Variants in AGBL4 observed in about 807,000 individuals in gnomAD.
AGBL4 encodes the protein AGBL carboxypeptidase 4, also known as cytosolic carboxypeptidase 6.
A neutral mutation model predicts 66.4 loss-of-function variants in AGBL4; 58 were observed. The observed-to-expected ratio is 0.87, with a 90% CI of 0.71 to 1.09. The LOEUF (loss-of-function observed/expected upper bound fraction) is 1.09. Ranked by LOEUF, AGBL4 falls within the 50% of genes least tolerant of loss-of-function variation. AGBL4 has a pLI of 0.00. For missense variants in AGBL4, 579 were observed against 631.0 expected (o/e 0.92, Z 0.88); for synonymous variants, 234 against 222.9 (o/e 1.05, Z -0.44).
chr1:49,555,645 C>A (rs1305911496), intron 3 of AGBL4, among the ~76,000 whole-genome samples: 76 of 150,520 alleles, frequency 5.0e-4, no homozygotes, highest in Non-Finnish European at 9.0e-4. Context: ...TGACAAAGGG[C>A]TAATCTCCAG....
At chr1:49,819,642 G>A (rs564242768) in intron 2 of AGBL4, among the ~76,000 whole-genome samples, 1 of 152,202 alleles carries the variant, frequency 6.6e-6, no homozygotes, top group South Asian at 2.1e-4. Context: ...AATCTGTGCT[G>A]GTAAATGATA....
At chr1:49,634,333 G>A (rs535902228) in intron 3 of AGBL4, among the ~76,000 whole-genome samples, 22 of 152,220 alleles carry the variant, frequency 1.4e-4, no homozygotes, top group African/African-American at 4.3e-4. Context: ...CTGTTACTGT[G>A]TTAGTTTGCT....
At chr1:49,375,309 A>T (rs1422237338) in intron 3 of AGBL4, among the ~76,000 whole-genome samples, 1 of 152,122 alleles carries the variant, frequency 6.6e-6, no homozygotes, top group Non-Finnish European at 1.5e-5. Flanking sequence ...ATCCAGTTAT[A>T]GAAAGTGCCA....
the AGBL4 span, among the ~76,000 whole-genome samples, chr1:48,526,399 C>A: frequency 4.9e-4 from 75 of 152,256 alleles, no homozygotes; most frequent in African/African-American, 1.7e-3. Flanking sequence ...GAGAATAATG[C>A]CTACTTCATA....
chr1:49,171,057 T>C (rs1412945500), intron 4 of AGBL4, among the ~76,000 whole-genome samples: 2 of 152,162 alleles, frequency 1.3e-5, no homozygotes, highest in African/African-American at 4.8e-5. Context: ...ACTGAAAGCC[T>C]GGGAAATAGA....
intron 4 of AGBL4, among the ~76,000 whole-genome samples, chr1:49,127,196 T>C (rs1246917934): frequency 6.6e-6 from 1 of 152,160 alleles, no homozygotes; most frequent in East Asian, 1.9e-4. Flanking sequence ...CCTGGGGGCA[T>C]ATTTTGGATT....
chr1:49,367,943 T>C (rs891976880), intron 3 of AGBL4, among the ~76,000 whole-genome samples: 4 of 152,156 alleles, frequency 2.6e-5, no homozygotes, highest in African/African-American at 9.7e-5. Flanking sequence ...CTCCACCCAT[T>C]GGCAACCACT....
intron 5 of AGBL4, among the ~76,000 whole-genome samples, chr1:48,870,442 G>A (rs1001193086): frequency 2.0e-5 from 3 of 152,144 alleles, no homozygotes; most frequent in African/African-American, 7.2e-5. Flanking sequence ...AATGTTTGAT[G>A]TCATCTAGCT....
chr1:49,897,516 A>C (rs889105906), intron 1 of AGBL4, among the ~76,000 whole-genome samples: 1 of 152,076 alleles, frequency 6.6e-6, no homozygotes, highest in African/African-American at 2.4e-5. Context: ...ATATTATTAA[A>C]ATGTCCATAC....
At chr1:48,608,030 A>G (rs2148375095) in intron 9 of AGBL4, among the ~76,000 whole-genome samples, 1 of 152,336 alleles carries the variant, frequency 6.6e-6, no homozygotes, top group South Asian at 2.1e-4. Context: ...ACGATAAAAT[A>G]CTGCTTCTGA....
intron 3 of AGBL4, among the ~76,000 whole-genome samples, chr1:49,595,955 T>C (rs1644844952): frequency 6.6e-6 from 1 of 151,980 alleles, no homozygotes; most frequent in Admixed American, 6.6e-5. Flanking sequence ...TAATGCAGGC[T>C]CTCCCAAGAT....
chr1:49,954,021 G>A (rs1656381029), intron 1 of AGBL4, among the ~76,000 whole-genome samples: 2 of 151,854 alleles, frequency 1.3e-5, no homozygotes, highest in Admixed American at 1.3e-4. Flanking sequence ...AGGCTCCTAA[G>A]TAGGTAGGAC....
chr1:49,359,424 T>C (rs1644091179), intron 3 of AGBL4, among the ~76,000 whole-genome samples: 1 of 152,174 alleles, frequency 6.6e-6, no homozygotes, highest in Non-Finnish European at 1.5e-5. Flanking sequence ...TCACACAATC[T>C]CTGACATATA....
At chr1:49,460,612 G>A (rs1646490902) in intron 3 of AGBL4, among the ~76,000 whole-genome samples, 1 of 151,672 alleles carries the variant, frequency 6.6e-6, no homozygotes, top group South Asian at 2.1e-4. Context: ...ATTGAGATGT[G>A]AGGTGCTATT....
intron 1 of AGBL4, among the ~76,000 whole-genome samples, chr1:49,922,118 G>A (rs963794156): frequency 5.3e-5 from 8 of 152,122 alleles, no homozygotes; most frequent in African/African-American, 1.9e-4. Context: ...TTTGTCTTTT[G>A]TGGTTTTGTT....
At position 49,119,164 on chromosome 1, in the gene AGBL4, A is replaced by AT. The variant is rs535252642; in HGVS notation, c.378-73365dup. 1.6e-3 allele frequency among the ~76,000 whole-genome samples: 245 copies of AT among 152,132 alleles called. 4 individuals are homozygous for AT. The highest frequency in any genetic ancestry group is 5.6e-3 in the African/African-American group (234 of 41,504). ...AAAAAACCAGCTCCTGGATTCATTG[A>AT]TTTTTTGAAGGGTTTTTCGTGTCTC... On this transcript the variant is annotated intron_variant, in intron 4 of 13. Coordinates refer to ENST00000371839, the MANE Select transcript of AGBL4 (RefSeq NM_032785.4).
At chr1:48,550,995 T>C (rs1309815244) in intron 11 of AGBL4, among the ~76,000 whole-genome samples, 1 of 152,248 alleles carries the variant, frequency 6.6e-6, no homozygotes, top group Non-Finnish European at 1.5e-5. Context: ...GAACTATTGC[T>C]TCAGCATCCT....
chr1:49,321,188 T>C (rs905615596), intron 3 of AGBL4, among the ~76,000 whole-genome samples: 2 of 152,208 alleles, frequency 1.3e-5, no homozygotes, highest in Non-Finnish European at 2.9e-5. Context: ...TGGTCCTCCC[T>C]GCCTTTGACC....
chr1:49,986,348 T>G (rs2148395049), intron 1 of AGBL4, among the ~76,000 whole-genome samples: 1 of 152,120 alleles, frequency 6.6e-6, no homozygotes, highest in East Asian at 1.9e-4. Flanking sequence ...TACTGCCCAT[T>G]TCTTTAACTC....
Sources: allele counts gnomAD v4.1 joint callset (sites outside exome capture counted in the v4.1 genomes callset), GRCh38; gene constraint gnomAD v4.1.1; transcripts MANE v1.5; gene names NCBI Gene and HGNC (gene_info 2026-07-23, HGNC 2026-07-21).